GIGYF2: variants seen among roughly 807,000 people sequenced by gnomAD.
The protein encoded by GIGYF2 is GRB10 interacting GYF protein 2, also known as GRB10-interacting GYF protein 2.
GIGYF2 carries 25 observed loss-of-function variants against 208.1 expected under a neutral mutation model. That is an observed-to-expected ratio of 0.12 (90% CI 0.09 to 0.17). The LOEUF is 0.17. Among genes scored for constraint, GIGYF2 ranks in the 10% least tolerant of loss-of-function variants. The pLI is 1.00. For synonymous variants in GIGYF2, 534 were observed against 543.8 expected, an observed-to-expected ratio of 0.98 and a Z score of 0.25; for missense variants, 1,302 against 1,579.4, an observed-to-expected ratio of 0.82 and a Z score of 2.98.
Position 232,790,923 on chromosome 2 carries a change from A to G in GIGYF2, c.930+8A>G, listed in dbSNP as rs1053720409. Reference sequence around the variant, plus strand: ...GCATTCCTTTCTCTAAAAGTAAGAAACGTGTTTTAAATGTCATGACCAGCA... The same window carrying G: ...GCATTCCTTTCTCTAAAAGTAAGAAGCGTGTTTTAAATGTCATGACCAGCA... On this transcript the variant is annotated splice_region_variant and intron_variant, in intron 10 of 28. Transcript: ENST00000373563. The G allele has an allele frequency of 6.2e-7, 1 of 1,613,414 alleles. No individual in the cohort carries two copies. Among genetic ancestry groups the G allele is most frequent in the Middle Eastern group, 1.6e-4 (1 of 6,062 alleles).
At chr2:232,840,384 C>A (rs1280312641) in intron 23 of GIGYF2, among the ~76,000 whole-genome samples, 1 of 152,134 alleles carries the variant, frequency 6.6e-6, no homozygotes, top group Non-Finnish European at 1.5e-5. Context: ...AGTACCTCTG[C>A]TTTTAAGTGT....
At chr2:232,784,382 A>ATTTGTTTTTTT (rs1360964345) in intron 8 of GIGYF2, among the ~76,000 whole-genome samples, 1 of 70,416 alleles carries the variant, frequency 1.4e-5, no homozygotes, top group Non-Finnish European at 2.6e-5. Flanking sequence ...ACACGAAATA[A>ATTTGTTTTTTT]TTTCTTTTTT....
intron 3 of GIGYF2, among the ~76,000 whole-genome samples, chr2:232,741,707 G>C (rs1559397074): frequency 6.6e-6 from 1 of 152,082 alleles, no homozygotes; most frequent in South Asian, 2.1e-4. Context: ...GCCTCCTACA[G>C]TGTTGGGATT....
At position 232,784,104 on chromosome 2, in the gene GIGYF2, A is replaced by T. The variant is rs151188080; in HGVS notation, c.533-3046A>T. Among the ~76,000 whole-genome samples, 587 of 152,318 alleles carry T rather than the reference A, an allele frequency of 3.9e-3. 7 individuals are homozygous for T. The highest frequency in any genetic ancestry group is 0.017 in the Middle Eastern group (5 of 294). ...ATTCAGCATCCCTGAAATTAAATGG[A>T]TAGGATTTTCTCATAACATGATCAC... On this transcript the variant is annotated intron_variant, in intron 8 of 28. Transcript: ENST00000373563.
intron 1 of GIGYF2, among the ~76,000 whole-genome samples, chr2:232,701,537 C>G (rs1695844939): frequency 6.6e-6 from 1 of 151,524 alleles, no homozygotes; most frequent in Admixed American, 6.6e-5. Context: ...TCAAGCCATC[C>G]TCCCACCTCA....
At chr2:232,721,281 C>A (rs1025966145) in intron 2 of GIGYF2, among the ~76,000 whole-genome samples, 2 of 152,248 alleles carry the variant, frequency 1.3e-5, no homozygotes, top group African/African-American at 4.8e-5. Context: ...TCATACCACT[C>A]AGAGTTTCTT....
At chr2:232,792,283 C>T (rs552784076) in intron 12 of GIGYF2, among the ~76,000 whole-genome samples, 2 of 152,066 alleles carry the variant, frequency 1.3e-5, no homozygotes, top group East Asian at 1.9e-4. Context: ...TAGGTGTCTT[C>T]TTCGTTTCTT....
intron 22 of GIGYF2, among the ~76,000 whole-genome samples, chr2:232,838,695 T>TA (rs763118399): frequency 6.6e-6 from 1 of 152,188 alleles, no homozygotes; most frequent in African/African-American, 2.4e-5. Flanking sequence ...TCTACTGCCT[T>TA]ACTTGATCTT....
intron 14 of GIGYF2, among the ~76,000 whole-genome samples, chr2:232,802,285 A>G (rs1036048136): frequency 1.3e-5 from 2 of 151,588 alleles, no homozygotes; most frequent in African/African-American, 4.8e-5. Context: ...CTTTAGTACT[A>G]TCTTGAATAG....
At chr2:232,843,992 T>C (rs754206904) in intron 23 of GIGYF2, 54 bp from the exon 24 acceptor site, 5 of 1,534,616 alleles carry the variant, frequency 3.3e-6, no homozygotes, top group Non-Finnish European at 3.6e-6. Flanking sequence ...TGGATATTTA[T>C]AACTATTATC....
intron 8 of GIGYF2, chr2:232,767,846 T>G: frequency 3.6e-6 from 1 of 275,734 alleles, no homozygotes; most frequent in East Asian, 9.8e-5. Context: ...GAGAGATTAA[T>G]GGTTGATTTT....
At chr2:232,737,116 A>G (rs971117787) in intron 3 of GIGYF2, among the ~76,000 whole-genome samples, 1 of 152,180 alleles carries the variant, frequency 6.6e-6, no homozygotes, top group Non-Finnish European at 1.5e-5. Context: ...TTGACAGGCC[A>G]TTTGGTTCAC....
intron 2 of GIGYF2, among the ~76,000 whole-genome samples, chr2:232,707,849 G>T (rs953952616): frequency 6.6e-6 from 1 of 152,002 alleles, no homozygotes; most frequent in African/African-American, 2.4e-5. Flanking sequence ...TGTTGGCCAG[G>T]CTGGTCCCGA....
chr2:232,841,437 A>G (rs895859926), intron 23 of GIGYF2, among the ~76,000 whole-genome samples: 2 of 148,706 alleles, frequency 1.3e-5, no homozygotes, highest in African/African-American at 2.5e-5. Flanking sequence ...CTGGGATTAC[A>G]GGCACTTGCC....
chr2:232,742,414 G>A (rs1188305205), intron 3 of GIGYF2, among the ~76,000 whole-genome samples: 1 of 152,120 alleles, frequency 6.6e-6, no homozygotes, highest in African/African-American at 2.4e-5. Context: ...GGTGGCGTGT[G>A]CCTGTAATCC....
At chr2:232,768,630 C>T in intron 8 of GIGYF2, 1 of 1,614,036 alleles carries the variant, frequency 6.2e-7, no homozygotes, top group Non-Finnish European at 8.5e-7. Context: ...GTAGAGTTTG[C>T]CATTTTCTCT....
Position 232,839,871 on chromosome 2 carries a change from G to A in GIGYF2, c.2789G>A (p.Gly930Asp). 1.9e-6 allele frequency: 3 copies of A among 1,614,034 alleles called. No homozygotes were observed. Among genetic ancestry groups the A allele is most frequent in the South Asian group, 1.1e-5 (1 of 91,078 alleles). Residue 930 changes from glycine to aspartate, a missense_variant, in exon 23 of 29, where the codon GGC becomes GAC. By Grantham distance (94) the Gly-to-Asp change is moderately conservative. Around this residue, in one of 8 missense-constraint regions of GIGYF2, gnomAD observed 701 missense variants for 793.0 expected, o/e 0.88. Transcript: ENST00000373563. Reference protein sequence around the residue: ...QMKLPSSSTWGQQSNTTACQS... With the variant: ...QMKLPSSSTWDQQSNTTACQS... Reference sequence around the variant, plus strand: ...TAGCTTCCTTCTTCTTCAACGTGGGGCCAGCAGTCCAATACAACAGCATGT... The same window carrying A: ...TAGCTTCCTTCTTCTTCAACGTGGGACCAGCAGTCCAATACAACAGCATGT...
chr2:232,738,143 C>G (rs1036091135), intron 3 of GIGYF2, among the ~76,000 whole-genome samples: 11 of 152,022 alleles, frequency 7.2e-5, no homozygotes, highest in Non-Finnish European at 1.3e-4. Flanking sequence ...TCTCGAACTC[C>G]TGACCTCAGG....
At chr2:232,822,218 AT>A (rs925531234) in intron 21 of GIGYF2, among the ~76,000 whole-genome samples, 2 of 152,228 alleles carry the variant, frequency 1.3e-5, no homozygotes, top group Admixed American at 6.5e-5. Context: ...GAGAATTCAC[AT>A]TTTAAGATAT....
Sources: gnomAD v4.1 joint callset for allele counts (sites outside exome capture counted in the v4.1 genomes callset) on GRCh38, gnomAD v4.1.1 for gene constraint, gnomAD v4.1.1 regional missense constraint, MANE v1.5 for transcripts, NCBI Gene and HGNC (gene_info 2026-07-23, HGNC 2026-07-21) for gene names.